The following GLP2R variants were observed in gnomAD, a reference collection of about 807,000 sequenced individuals.
GLP2R encodes glucagon-like peptide 2 receptor.
GLP2R carries 59 observed loss-of-function variants against 68.2 expected under a neutral mutation model. The ratio of observed to expected loss-of-function variants is 0.87; its 90% confidence interval spans 0.70 to 1.07. GLP2R has a LOEUF of 1.07. Among genes scored for constraint, GLP2R ranks in the 50% least tolerant of loss-of-function variants. The pLI is 0.00. For missense variants in GLP2R, 548 were observed against 677.4 expected, an observed-to-expected ratio of 0.81 and a Z score of 2.12; for synonymous variants, 270 against 265.4, an observed-to-expected ratio of 1.02 and a Z score of -0.17.
intron 1 of GLP2R, among the ~76,000 whole-genome samples, chr17:9,831,882 G>A (rs181623116): frequency 2.0e-5 from 3 of 152,274 alleles, no homozygotes; most frequent in African/African-American, 7.2e-5. Context: ...AGCTGCTGTG[G>A]ACGACTCCTG....
At chr17:9,838,390 G>T (rs1382360164) in intron 3 of GLP2R, among the ~76,000 whole-genome samples, 3 of 152,202 alleles carry the variant, frequency 2.0e-5, no homozygotes. Context: ...GTCCGCGGGA[G>T]CTGAAGCTGA....
At chr17:9,846,762 A>G (rs1432375209) in intron 4 of GLP2R, among the ~76,000 whole-genome samples, 4 of 152,230 alleles carry the variant, frequency 2.6e-5, no homozygotes, top group African/African-American at 7.2e-5. Context: ...AAAATTCTAT[A>G]CCTGAATTTA....
At chr17:9,883,568 C>A (rs7214680) in intron 11 of GLP2R, among the ~76,000 whole-genome samples, 8,479 of 152,084 alleles carry the variant, frequency 0.056, 793 homozygotes, top group African/African-American at 0.19. Context: ...TACAGTCAAA[C>A]AGTTGAAAGC....
intron 8 of GLP2R, 100 bp downstream of exon 8, chr17:9,861,299 C>A (rs922931504): frequency 2.4e-5 from 20 of 819,208 alleles, no homozygotes; most frequent in Non-Finnish European, 3.6e-5. Context: ...AATATCTATC[C>A]CTTCTCATTT....
intron 11 of GLP2R, among the ~76,000 whole-genome samples, chr17:9,887,254 A>G (rs1253516252): frequency 1.3e-5 from 2 of 151,750 alleles, no homozygotes; most frequent in Admixed American, 6.6e-5. Context: ...AGGACCAGGC[A>G]CAGTGGCTCA....
At chr17:9,855,506 GAAGAGATT>G (rs2066926959) in intron 5 of GLP2R, among the ~76,000 whole-genome samples, 1 of 152,312 alleles carries the variant, frequency 6.6e-6, no homozygotes, top group East Asian at 1.9e-4. Context: ...TCTTTTTACA[GAAGAGATT>G]AAGAATCTTC....
intron 10 of GLP2R, among the ~76,000 whole-genome samples, chr17:9,876,898 G>A (rs1028215040): frequency 1.3e-5 from 2 of 152,130 alleles, no homozygotes; most frequent in Admixed American, 6.5e-5. Flanking sequence ...ATCATTTATC[G>A]TGTGTCAGAT....
At chr17:9,882,100 AT>A (rs1287254682) in intron 11 of GLP2R, among the ~76,000 whole-genome samples, 4 of 152,142 alleles carry the variant, frequency 2.6e-5, no homozygotes, top group Non-Finnish European at 4.4e-5. Context: ...AAATTCAGTA[AT>A]AACAGTGGGA....
rs55973554 is a variant in GLP2R at position 9,890,439 on chromosome 17, G to A, written c.*734G>A. 0.21 allele frequency: 39,937 copies of A among 188,654 alleles called. 5,542 individuals carry two copies. The highest frequency in any genetic ancestry group is 0.3 in the Non-Finnish European group (27,545 of 91,092). 11.7% of individuals were successfully genotyped at this position (188,654 alleles called of 1,614,324 possible). ...CTTGCCTCTCTCTCTCTTTGCCTCA[G>A]TTCTCTGTCCCTGCACAGCAGGAGT... On this transcript the variant is annotated 3_prime_UTR_variant, in exon 13 of 13. Coordinates refer to ENST00000262441, the MANE Select transcript of GLP2R (RefSeq NM_004246.3).
intron 10 of GLP2R, among the ~76,000 whole-genome samples, chr17:9,877,629 C>T (rs1187604755): frequency 6.6e-6 from 1 of 152,100 alleles, no homozygotes; most frequent in Non-Finnish European, 1.5e-5. Flanking sequence ...GTGGCTCAAA[C>T]CTGTAATCCC....
In GLP2R at chr17:9,880,372, T is replaced by A; in HGVS notation, c.1146-6T>A. On this transcript the variant is annotated splice_polypyrimidine_tract_variant and splice_region_variant and intron_variant, in intron 10 of 12. Transcript: ENST00000262441. The stretch of plus-strand genomic sequence containing the variant: ...CTCTTGACTGTTATTTGGTTGTCAT[T>A]TACAGATTGGCAAAATCAACACTGG... The A allele has an allele frequency of 1.3e-6, 2 of 1,582,938 alleles. No individual in the cohort carries two copies. The highest frequency in any genetic ancestry group is 8.6e-7 in the Non-Finnish European group (1 of 1,159,092).
intron 4 of GLP2R, chr17:9,853,213 C>T (rs2066907569): frequency 3.0e-6 from 1 of 332,860 alleles, no homozygotes; most frequent in Non-Finnish European, 5.6e-6. Flanking sequence ...CATTGTCCGC[C>T]TTAAAGGGAT....
intron 2 of GLP2R, 28 bp from the exon 3 acceptor site, chr17:9,836,343 G>T (rs376098620): frequency 6.9e-7 from 1 of 1,452,356 alleles, no homozygotes; most frequent in African/African-American, 1.4e-5. Context: ...AAACACTGAT[G>T]TTTATCAGAC....
intron 12 of GLP2R, 113 bp downstream of exon 12, chr17:9,888,086 A>G: frequency 1.2e-6 from 1 of 819,236 alleles, no homozygotes; most frequent in Non-Finnish European, 2.2e-6. Flanking sequence ...TGCAGTGACC[A>G]GCATGTGTGG....
Position 9,889,422 on chromosome 17 carries a change from C to G in GLP2R, c.1379C>G (p.Ser460Ter). The part of the protein sequence containing the change: ...YWVRFLLARH[S>*]GCRACVLGKD... ...GTCCGCTTCTTGCTAGCCCGCCACTCAGGCTGCAGAGCCTGTGTCCTGGGG... is the reference window on the plus strand; with the variant it reads ...GTCCGCTTCTTGCTAGCCCGCCACTGAGGCTGCAGAGCCTGTGTCCTGGGG... The change falls in exon 13 of 13, where the codon TCA (serine) becomes TGA (stop). Residue 460 changes from serine to a stop codon, truncating the protein, a stop_gained. Transcript: ENST00000262441. LOFTEE classifies it low-confidence loss of function (END_TRUNC). 6.2e-7 allele frequency: 1 copy of G among 1,614,162 alleles called. No homozygotes were observed. Among genetic ancestry groups the G allele is most frequent in the Non-Finnish European group, 8.5e-7 (1 of 1,179,960 alleles).
intron 1 of GLP2R, among the ~76,000 whole-genome samples, chr17:9,833,459 C>T (rs972909375): frequency 3.3e-5 from 5 of 152,114 alleles, no homozygotes; most frequent in Non-Finnish European, 7.4e-5. Context: ...TAGTGTGATG[C>T]GTCTCTCTTT....
At chr17:9,860,187 C>T in intron 7 of GLP2R, 86 bp downstream of exon 7, 1 of 1,295,236 alleles carries the variant, frequency 7.7e-7, no homozygotes, top group Admixed American at 2.8e-5. Context: ...ACTTAGAAAC[C>T]TAACTGGAGG....
chr17:9,882,038 TAAA>T (rs60129746), intron 11 of GLP2R, among the ~76,000 whole-genome samples: 8 of 113,634 alleles, frequency 7.0e-5, no homozygotes, highest in Admixed American at 9.4e-5. Context: ...ACACATTAAC[TAAA>T]AAAAAAAAAA....
chr17:9,849,909 A>G (rs749204797), intron 4 of GLP2R, among the ~76,000 whole-genome samples: 6 of 152,104 alleles, frequency 3.9e-5, no homozygotes, highest in Admixed American at 3.3e-4. Flanking sequence ...CACTGCGCCC[A>G]GCCTATTTCC....
Sources: gnomAD v4.1 joint callset for allele counts (sites outside exome capture counted in the v4.1 genomes callset) on GRCh38, gnomAD v4.1.1 for gene constraint, MANE v1.5 for transcripts, NCBI Gene and HGNC (gene_info 2026-07-23, HGNC 2026-07-21) for gene names.